The following GRIA4 variants were observed in gnomAD, a reference collection of about 807,000 sequenced individuals.
GRIA4 encodes the protein glutamate ionotropic receptor AMPA type subunit 4.
Under a neutral mutation model 104.0 loss-of-function variants are expected in GRIA4, and 34 were observed. The ratio of observed to expected loss-of-function variants is 0.33; its 90% CI spans 0.25 to 0.44. The LOEUF is 0.44. GRIA4 is among the 20% of genes least tolerant of loss of function. GRIA4 has a pLI of 1.00. For synonymous variants in GRIA4, 386 were observed against 381.9 expected, an observed-to-expected ratio of 1.01 and a Z score of -0.13; for missense variants, 750 against 1,096.5, an observed-to-expected ratio of 0.68 and a Z score of 4.46.
chr11:105,858,482 A>G (rs1945097933), intron 4 of GRIA4, among the ~76,000 whole-genome samples: 1 of 152,130 alleles, frequency 6.6e-6, no homozygotes, highest in African/African-American at 2.4e-5. Flanking sequence ...CATCTCCTCA[A>G]GCATTTATTC....
intron 3 of GRIA4, among the ~76,000 whole-genome samples, chr11:105,708,385 T>C (rs1364030018): frequency 1.3e-5 from 2 of 152,096 alleles, no homozygotes; most frequent in Non-Finnish European, 2.9e-5. Flanking sequence ...TGTAATACAC[T>C]GCCCTTTATA....
At chr11:105,670,446 T>C (rs1404875872) in intron 3 of GRIA4, among the ~76,000 whole-genome samples, 1 of 152,074 alleles carries the variant, frequency 6.6e-6, no homozygotes, top group Non-Finnish European at 1.5e-5. Context: ...AATGCAGAAG[T>C]GTTTGTCTAA....
chr11:105,974,881 A>G (rs1051823512), intron 16 of GRIA4: 2 of 188,764 alleles, frequency 1.1e-5, no homozygotes, highest in Admixed American at 1.1e-4. Flanking sequence ...AGACTGGGCA[A>G]ATCTTTTCTG....
chr11:105,617,396 A>G (rs1950627920), intron 3 of GRIA4, among the ~76,000 whole-genome samples: 2 of 151,856 alleles, frequency 1.3e-5, no homozygotes, highest in African/African-American at 2.4e-5. Context: ...ACTTTCTTCC[A>G]AAGACTATCT....
In GRIA4 at chr11:105,933,843, C is replaced by G. The variant is rs144166964; in HGVS notation, c.2168C>G (p.Ala723Gly). 1.2e-6 allele frequency: 2 copies of G among 1,613,414 alleles called. No individual in the cohort carries two copies. The highest frequency in any genetic ancestry group is 1.7e-6 in the Non-Finnish European group (2 of 1,179,702). Residue 723 changes from alanine to glycine, a missense_variant, in exon 14 of 17, where the codon GCC becomes GGC. By Grantham distance (60) the Ala-to-Gly change is moderately conservative (BLOSUM62 0). Transcript: ENST00000282499. Reference sequence around the variant, plus strand: ...GTCCGCAAATCCAAGGGCAAATTTGCCTTTCTCCTGGAGTCCACTATGAAT... The same window carrying G: ...GTCCGCAAATCCAAGGGCAAATTTGGCTTTCTCCTGGAGTCCACTATGAAT... ...ARVRKSKGKF[A>G]FLLESTMNEY...
At chr11:105,632,258 G>A (rs1337150489) in intron 3 of GRIA4, among the ~76,000 whole-genome samples, 1 of 152,136 alleles carries the variant, frequency 6.6e-6, no homozygotes, top group Non-Finnish European at 1.5e-5. Flanking sequence ...ATTTCTTACT[G>A]TTTTGGGTTC....
rs893348738 is a variant in GRIA4, at chr11:105,937,577, C to T, written c.2294+3608C>T. ...ACCTCCGGACAACAAAGCAGTGAGT[C>T]ATATCTGAACACTTCCTCTGGCGCT... On this transcript the variant is annotated intron_variant, in intron 14 of 16. Coordinates refer to ENST00000282499, the MANE Select transcript of GRIA4 (RefSeq NM_000829.4). 3.3e-5 allele frequency among the ~76,000 whole-genome samples: 5 copies of T among 152,138 alleles called. No homozygotes were observed. In the East Asian group the frequency reaches 9.7e-4, roughly 29 times the overall value.
In GRIA4 at chr11:105,632,068, T is replaced by C. The variant is rs968882013; in HGVS notation, c.247+19634T>C. ...AAGCCTAATTATAAATTCAGGACTT[T>C]AGAAGCAAATAAAATAAAAGTTTGA... On this transcript the variant is annotated intron_variant, in intron 3 of 16. Coordinates refer to ENST00000282499, the MANE Select transcript of GRIA4 (RefSeq NM_000829.4). Among the ~76,000 whole-genome samples the C allele has an allele frequency of 8.5e-5, 13 of 152,146 alleles. No individual in the cohort carries two copies. The South Asian group carries it at 1.7e-3, about 19-fold the overall frequency.
intron 13 of GRIA4, among the ~76,000 whole-genome samples, chr11:105,933,120 T>C (rs1947931352): frequency 6.6e-6 from 1 of 151,896 alleles, no homozygotes; most frequent in African/African-American, 2.4e-5. Context: ...CATGCACCTG[T>C]AGTCCAAGCT....
At position 105,841,192 on chromosome 11, in the gene GRIA4, C is replaced by G. The variant is rs1944379338; in HGVS notation, c.488-20832C>G. ...TGAAAAAGTCACATAAGTCAACATT[C>G]AAACACCTGAACCGAAGATAACGTA... On this transcript the variant is annotated intron_variant, in intron 4 of 16. Coordinates refer to ENST00000282499, the MANE Select transcript of GRIA4 (RefSeq NM_000829.4). 2.0e-5 allele frequency among the ~76,000 whole-genome samples: 3 copies of G among 151,430 alleles called. No individual in the cohort carries two copies. In the South Asian group the frequency reaches 6.2e-4, roughly 32 times the overall value.
chr11:105,617,835 A>G (rs1034360248), intron 3 of GRIA4, among the ~76,000 whole-genome samples: 1 of 152,074 alleles, frequency 6.6e-6, no homozygotes, highest in Non-Finnish European at 1.5e-5. Context: ...CCAGTGGGAA[A>G]GAGAGACAAG....
intron 14 of GRIA4, among the ~76,000 whole-genome samples, chr11:105,947,577 C>T (rs934624559): frequency 3.9e-5 from 6 of 152,202 alleles, no homozygotes; most frequent in Non-Finnish European, 8.8e-5. Flanking sequence ...GACAGCACCA[C>T]TTCTCTGTTT....
At chr11:105,687,223 A>G (rs972614317) in intron 3 of GRIA4, among the ~76,000 whole-genome samples, 6 of 152,222 alleles carry the variant, frequency 3.9e-5, no homozygotes, top group Admixed American at 3.3e-4. Context: ...AAGAATTAAC[A>G]CATGAGTTGC....
chr11:105,971,873 A>G (rs1404965655), intron 14 of GRIA4, 41 bp from the exon 15 acceptor site: 1 of 1,257,352 alleles, frequency 8.0e-7, no homozygotes, highest in Non-Finnish European at 1.1e-6. Flanking sequence ...ATAACATAAA[A>G]TAACATATAT....
intron 4 of GRIA4, among the ~76,000 whole-genome samples, chr11:105,859,497 TGTAAG>T (rs1251313857): frequency 1.3e-5 from 2 of 152,180 alleles, no homozygotes; most frequent in Non-Finnish European, 2.9e-5. Flanking sequence ...TCCTTCAATT[TGTAAG>T]GTAAGTGGGC....
intron 3 of GRIA4, among the ~76,000 whole-genome samples, chr11:105,726,159 T>C (rs1954761): frequency 0.69 from 104,921 of 152,022 alleles, 36,567 homozygotes; most frequent in African/African-American, 0.79. Flanking sequence ...TTCTCACTGC[T>C]AGCACAGCAG....
intron 2 of GRIA4, 68 bp from the exon 3 acceptor site, chr11:105,612,208 G>T (rs1296727823): frequency 7.0e-7 from 1 of 1,427,888 alleles, no homozygotes; most frequent in East Asian, 2.3e-5. Context: ...AGATTTGACT[G>T]TGCTTGGGGT....
chr11:105,713,506 T>C (rs1203386313), intron 3 of GRIA4, among the ~76,000 whole-genome samples: 1 of 152,196 alleles, frequency 6.6e-6, no homozygotes, highest in African/African-American at 2.4e-5. Context: ...TTTCCAGATT[T>C]TTCTTTAATG....
intron 3 of GRIA4, among the ~76,000 whole-genome samples, chr11:105,677,194 T>A (rs1448809840): frequency 2.0e-5 from 3 of 151,810 alleles, no homozygotes; most frequent in Admixed American, 2.0e-4. Context: ...TGTTGCAAAG[T>A]TAATAATTAA....
Sources: gnomAD v4.1 joint callset for allele counts (sites outside exome capture counted in the v4.1 genomes callset) on GRCh38, gnomAD v4.1.1 for gene constraint, MANE v1.5 for transcripts, NCBI Gene and HGNC (gene_info 2026-07-23, HGNC 2026-07-21) for gene names.